CNTNAP2: variants seen among roughly 807,000 people sequenced by gnomAD.
The protein encoded by CNTNAP2 is contactin associated protein 2.
In CNTNAP2, 98 loss-of-function variants were observed where a neutral mutation model predicts 155.2. The ratio of observed to expected loss-of-function variants is 0.63; its 90% CI spans 0.54 to 0.75. The LOEUF is 0.75. Ranked by LOEUF, CNTNAP2 falls within the 30% of genes least tolerant of loss-of-function variation. CNTNAP2 has a pLI of 0.00. For missense variants in CNTNAP2, 1,727 were observed against 1,688.1 expected (o/e 1.02, Z -0.40); for synonymous variants, 651 against 631.2 (o/e 1.03, Z -0.47).
chr7:147,518,769 G>T (rs1247315558), intron 11 of CNTNAP2, among the ~76,000 whole-genome samples: 1 of 152,086 alleles, frequency 6.6e-6, no homozygotes, highest in African/African-American at 2.4e-5. Flanking sequence ...GGTGGCTCAC[G>T]CCTGTAATCC....
chr7:147,975,375 G>A lies in CNTNAP2; in HGVS notation c.2256-2487G>A, dbSNP rs553130411. 4.3e-4 allele frequency among the ~76,000 whole-genome samples: 65 copies of A among 152,122 alleles called. 1 individual carries two copies. Among genetic ancestry groups the A allele is most frequent in the South Asian group, 8.3e-4 (4 of 4,826 alleles). ...GTTCTAAATCATTATGTGGGTCATG[G>A]TTGTACAGGGGTGTGTGTGTGTGTG... On this transcript the variant is annotated intron_variant, in intron 14 of 23. Coordinates refer to ENST00000361727, the MANE Select transcript of CNTNAP2 (RefSeq NM_014141.6).
At chr7:146,722,697 C>CCA (rs201552919) in intron 1 of CNTNAP2, among the ~76,000 whole-genome samples, 5,550 of 150,300 alleles carry the variant, frequency 0.037, 141 homozygotes, top group East Asian at 0.12. Flanking sequence ...TGAATTGCGT[C>CCA]CACACACACA....
At chr7:148,338,190 T>A (rs1473112636) in intron 21 of CNTNAP2, among the ~76,000 whole-genome samples, 2 of 152,240 alleles carry the variant, frequency 1.3e-5, no homozygotes, top group Non-Finnish European at 2.9e-5. Flanking sequence ...AGACATACAA[T>A]ATGCTGATGT....
chr7:147,775,260 A>AAT (rs1221514912), intron 13 of CNTNAP2, among the ~76,000 whole-genome samples: 1 of 89,630 alleles, frequency 1.1e-5, no homozygotes, highest in African/African-American at 4.5e-5. Flanking sequence ...TATATTTATA[A>AAT]ATATATTTAT....
chr7:148,165,686 C>T (rs185319979), intron 17 of CNTNAP2, among the ~76,000 whole-genome samples: 157 of 152,242 alleles, frequency 1.0e-3, no homozygotes, highest in African/African-American at 3.2e-3. Flanking sequence ...ATGCCATGAG[C>T]GGCGAAGCCA....
intron 1 of CNTNAP2, among the ~76,000 whole-genome samples, chr7:146,604,676 A>G (rs1210552649): frequency 1.5e-5 from 2 of 129,082 alleles, no homozygotes; most frequent in African/African-American, 6.0e-5. Flanking sequence ...AACCAACCCA[A>G]ATGTCCAACA....
chr7:148,226,241 G>C (rs1231079745), intron 19 of CNTNAP2, among the ~76,000 whole-genome samples: 2 of 152,060 alleles, frequency 1.3e-5, no homozygotes, highest in African/African-American at 2.4e-5. Context: ...GAGTTCAAGA[G>C]AGAAGTCTGA....
chr7:147,364,722 A>G (rs963491473), intron 9 of CNTNAP2, among the ~76,000 whole-genome samples: 3 of 152,010 alleles, frequency 2.0e-5, no homozygotes, highest in Non-Finnish European at 2.9e-5. Flanking sequence ...GGTGGCGGGC[A>G]CCTGTAGTCC....
chr7:147,202,859 A>AT (rs1236390706), intron 8 of CNTNAP2, among the ~76,000 whole-genome samples: 194 of 149,806 alleles, frequency 1.3e-3, no homozygotes, highest in African/African-American at 4.0e-3. Flanking sequence ...ATTAAAAAAA[A>AT]ATATATATAT....
chr7:147,235,679 C>T (rs1402146563), intron 8 of CNTNAP2, among the ~76,000 whole-genome samples: 1 of 152,148 alleles, frequency 6.6e-6, no homozygotes, highest in Non-Finnish European at 1.5e-5. Flanking sequence ...AGATTTAACC[C>T]ATGGGAGCCC....
At chr7:147,255,220 C>T (rs1804294360) in intron 8 of CNTNAP2, among the ~76,000 whole-genome samples, 2 of 152,064 alleles carry the variant, frequency 1.3e-5, no homozygotes. Context: ...GTAAATATTA[C>T]ATACACACAC....
At chr7:147,118,223 A>G (rs1312976526) in intron 5 of CNTNAP2, among the ~76,000 whole-genome samples, 2 of 152,162 alleles carry the variant, frequency 1.3e-5, no homozygotes, top group Admixed American at 1.3e-4. Flanking sequence ...GTCAGAAAAT[A>G]CTTTCAGGAA....
At chr7:147,026,039 T>C (rs1798913006) in intron 3 of CNTNAP2, among the ~76,000 whole-genome samples, 1 of 152,180 alleles carries the variant, frequency 6.6e-6, no homozygotes, top group Non-Finnish European at 1.5e-5. Flanking sequence ...TTTGCCTTTT[T>C]AGTAGAGACA....
chr7:147,282,813 C>T (rs1330523994), intron 8 of CNTNAP2, among the ~76,000 whole-genome samples: 1 of 151,812 alleles, frequency 6.6e-6, no homozygotes, highest in African/African-American at 2.4e-5. Context: ...CCAAGCTGGT[C>T]TTGAACTCCT....
At chr7:147,829,772 C>A (rs910835932) in intron 13 of CNTNAP2, among the ~76,000 whole-genome samples, 3 of 152,098 alleles carry the variant, frequency 2.0e-5, no homozygotes, top group Non-Finnish European at 4.4e-5. Context: ...GTCCTTTCCA[C>A]AGTAACAATT....
At chr7:148,032,566 G>A (rs2214680) in intron 15 of CNTNAP2, among the ~76,000 whole-genome samples, 49,844 of 152,022 alleles carry the variant, frequency 0.33, 9,716 homozygotes, top group East Asian at 0.77. Flanking sequence ...AGTGACATAT[G>A]GGAGGAGACA....
At chr7:146,334,361 G>C (rs1341975700) in intron 1 of CNTNAP2, among the ~76,000 whole-genome samples, 1 of 151,634 alleles carries the variant, frequency 6.6e-6, no homozygotes, top group Non-Finnish European at 1.5e-5. Flanking sequence ...AACCCGGCAG[G>C]TGGAGGTTGC....
At position 148,177,629 on chromosome 7, in the gene CNTNAP2, C is replaced by T. The variant is rs539623289; in HGVS notation, c.3010+5151C>T. ...CTAAGCTTTCTAATTGTGTTAGCAT[C>T]GTTTAATCCTCACCACAACCTGGTG... On this transcript the variant is annotated intron_variant, in intron 18 of 23. Coordinates refer to ENST00000361727, the MANE Select transcript of CNTNAP2 (RefSeq NM_014141.6). Among the ~76,000 whole-genome samples, 9 of 152,260 alleles carry T rather than the reference C, an allele frequency of 5.9e-5. No individual in the cohort carries two copies. The East Asian group carries it at 1.4e-3, about 23-fold the overall frequency.
At chr7:146,169,551 G>C (rs1035263956) in intron 1 of CNTNAP2, among the ~76,000 whole-genome samples, 3 of 152,082 alleles carry the variant, frequency 2.0e-5, no homozygotes, top group African/African-American at 7.2e-5. Flanking sequence ...ATACAGTATA[G>C]TATAATTAAC....
Sources: gnomAD v4.1 joint callset for allele counts (sites outside exome capture counted in the v4.1 genomes callset) on GRCh38, gnomAD v4.1.1 for gene constraint, MANE v1.5 for transcripts, NCBI Gene and HGNC (gene_info 2026-07-23, HGNC 2026-07-21) for gene names.